Variants in GNG7 observed in about 807,000 individuals in gnomAD.
GNG7 encodes the protein G protein subunit gamma 7.
GNG7 carries 1 observed loss-of-function variant against 4.0 expected under a neutral mutation model. That is an observed-to-expected ratio of 0.25 (90% confidence interval 0.09 to 1.18). The LOEUF is 1.18. GNG7 is among the 50% of genes most tolerant of loss of function. GNG7 has a pLI of 0.50. For missense variants in GNG7, 86 were observed against 91.9 expected (o/e 0.94, Z 0.26); for synonymous variants, 34 against 36.9 (o/e 0.92, Z 0.29).
chr19:2,576,586 T>A (rs940667522), intron 2 of GNG7, among the ~76,000 whole-genome samples: 2 of 152,226 alleles, frequency 1.3e-5, no homozygotes, highest in Non-Finnish European at 2.9e-5. Flanking sequence ...CTTGCTTCAC[T>A]GCCCAGGCTG....
At chr19:2,580,926 G>A (rs188994932) in intron 2 of GNG7, among the ~76,000 whole-genome samples, 236 of 152,006 alleles carry the variant, frequency 1.6e-3, no homozygotes, top group African/African-American at 5.3e-3. Flanking sequence ...CACCACGCCC[G>A]GCTAATTTTT....
At chr19:2,527,330 C>G (rs546167517) in intron 3 of GNG7, among the ~76,000 whole-genome samples, 1 of 152,272 alleles carries the variant, frequency 6.6e-6, no homozygotes, top group East Asian at 1.9e-4. Flanking sequence ...CCACTCCCAC[C>G]GGCCCTCATC....
intron 2 of GNG7, among the ~76,000 whole-genome samples, chr19:2,602,948 TTTC>T (rs1981256307): frequency 3.3e-5 from 5 of 150,082 alleles, no homozygotes; most frequent in Admixed American, 6.6e-5. Context: ...TCTTCCTTTC[TTTC>T]TTTTCTTTCT....
At chr19:2,696,247 AAG>A (rs1913244792) in intron 1 of GNG7, among the ~76,000 whole-genome samples, 1 of 149,900 alleles carries the variant, frequency 6.7e-6, no homozygotes, top group Non-Finnish European at 1.5e-5. Flanking sequence ...GAGAAAGAAA[AAG>A]AAAAAAGAAA....
chr19:2,586,696 T>C (rs1343715552), intron 2 of GNG7, among the ~76,000 whole-genome samples: 1 of 133,824 alleles, frequency 7.5e-6, no homozygotes, highest in East Asian at 2.2e-4. Flanking sequence ...CAGTAGAATG[T>C]CACCTTGGCC....
chr19:2,675,536 G>A (rs564360873), intron 1 of GNG7, among the ~76,000 whole-genome samples: 2 of 152,150 alleles, frequency 1.3e-5, no homozygotes, highest in African/African-American at 2.4e-5. Flanking sequence ...ATCAGATGTC[G>A]CGGCCCCTCT....
At chr19:2,604,570 G>C (rs1394676024) in intron 2 of GNG7, among the ~76,000 whole-genome samples, 1 of 145,252 alleles carries the variant, frequency 6.9e-6, no homozygotes, top group Non-Finnish European at 1.5e-5. Context: ...GCGAGGGACA[G>C]AGGGAGGAAA....
intron 2 of GNG7, among the ~76,000 whole-genome samples, chr19:2,622,041 G>A (rs1292133274): frequency 6.6e-6 from 1 of 151,522 alleles, no homozygotes; most frequent in Admixed American, 6.6e-5. Context: ...GAGTGAGTTC[G>A]ATTCCCTCTG....
chr19:2,576,658 C>T (rs538809489), intron 2 of GNG7, among the ~76,000 whole-genome samples: 2 of 152,252 alleles, frequency 1.3e-5, no homozygotes, highest in African/African-American at 4.8e-5. Flanking sequence ...GCGATCCTCC[C>T]ACCTCAGCCT....
intron 2 of GNG7, among the ~76,000 whole-genome samples, chr19:2,596,353 G>A (rs992318960): frequency 5.6e-5 from 6 of 106,904 alleles, no homozygotes; most frequent in African/African-American, 1.4e-4. Context: ...AGTGAGAGTC[G>A]GTCCCTAAAA....
At chr19:2,547,675 T>C (rs1283072774) in intron 3 of GNG7, among the ~76,000 whole-genome samples, 4 of 152,082 alleles carry the variant, frequency 2.6e-5, no homozygotes, top group African/African-American at 4.8e-5. Context: ...CCCCAGCACA[T>C]CCCAGACACT....
chr19:2,571,233 C>T (rs572859676), intron 2 of GNG7, among the ~76,000 whole-genome samples: 21 of 152,278 alleles, frequency 1.4e-4, no homozygotes, highest in Non-Finnish European at 2.6e-4. Context: ...GGGGCCTCTC[C>T]AGCACAGATA....
intron 1 of GNG7, among the ~76,000 whole-genome samples, chr19:2,670,167 A>C (rs1271082600): frequency 6.6e-6 from 1 of 151,972 alleles, no homozygotes; most frequent in East Asian, 1.9e-4. Flanking sequence ...ATTTTGTTGG[A>C]GGAACAAAAA....
intron 3 of GNG7, among the ~76,000 whole-genome samples, chr19:2,534,092 TG>T (rs1978668675): frequency 1.3e-5 from 2 of 152,202 alleles, no homozygotes; most frequent in South Asian, 4.1e-4. Context: ...AATTGAATTT[TG>T]CAATTCTACA....
At chr19:2,655,188 C>CAA (rs57555514) in intron 1 of GNG7, among the ~76,000 whole-genome samples, 804 of 59,896 alleles carry the variant, frequency 0.013, 15 homozygotes, top group African/African-American at 0.038. Context: ...GACTCTGTCT[C>CAA]AAAAAAAAAA....
intron 1 of GNG7, among the ~76,000 whole-genome samples, chr19:2,688,936 G>A (rs1599463435): frequency 2.0e-5 from 3 of 151,900 alleles, no homozygotes; most frequent in South Asian, 2.1e-4. Context: ...ACGGGGTTGC[G>A]TGCCTGTGGT....
rs1319811643 is a variant in GNG7 at position 2,614,075 on chromosome 19, G to A, written c.-78+32149C>T. Among the ~76,000 whole-genome samples, 6 of 152,222 alleles carry A rather than the reference G, an allele frequency of 3.9e-5. No individual in the cohort carries two copies. The highest frequency in any genetic ancestry group is 1.4e-4 in the African/African-American group (6 of 41,462). On this transcript the variant is annotated intron_variant, in intron 2 of 4. Transcript: ENST00000382159. The surrounding 1 kb of genome is among the most constrained non-coding windows in gnomAD (Gnocchi z 6.0). The stretch of plus-strand genomic sequence containing the variant: ...CCCCGGGGTAAAGGGGGCCAGCCTC[G>A]CACAGGTGGGTCCGTTGCAGGCGTC...
At chr19:2,649,932 T>C (rs1982766286) in intron 1 of GNG7, among the ~76,000 whole-genome samples, 1 of 151,816 alleles carries the variant, frequency 6.6e-6, no homozygotes, top group African/African-American at 2.4e-5. Flanking sequence ...TCCTGGACAT[T>C]TCATAGAAAT....
chr19:2,696,637 G>T (rs1203982787), intron 1 of GNG7, among the ~76,000 whole-genome samples: 5 of 152,316 alleles, frequency 3.3e-5, no homozygotes, highest in Admixed American at 3.3e-4. Flanking sequence ...CCCTGAAAAG[G>T]GTCGAGGCTC....
Sources: allele counts gnomAD v4.1 joint callset (sites outside exome capture counted in the v4.1 genomes callset), GRCh38; gene constraint gnomAD v4.1.1; non-coding constraint Gnocchi (gnomAD v3.1); transcripts MANE v1.5; gene names NCBI Gene and HGNC (gene_info 2026-07-23, HGNC 2026-07-21).